HEMK2: variants seen among roughly 807,000 people sequenced by gnomAD.
HEMK2 encodes the protein HemK methyltransferase 2, ETF1 glutamine and histone H4 lysine.
At chr21:28,636,104 C>T in the HEMK2 span, among the ~76,000 whole-genome samples, 5 of 152,192 alleles carry the variant, frequency 3.3e-5, no homozygotes, top group East Asian at 1.9e-4. Flanking sequence ...TTCCTTCATT[C>T]GGGACCTTTA....
the HEMK2 span, among the ~76,000 whole-genome samples, chr21:28,648,438 G>A: frequency 6.6e-6 from 1 of 152,150 alleles, no homozygotes; most frequent in Non-Finnish European, 1.5e-5. Context: ...TCACTAGTCT[G>A]TAAGATCCCT....
chr21:28,618,837 A>G, the HEMK2 span, among the ~76,000 whole-genome samples: 1 of 152,212 alleles, frequency 6.6e-6, no homozygotes, highest in Admixed American at 6.5e-5. Context: ...ATTCAAGTTT[A>G]TATGTAATAA....
the HEMK2 span, among the ~76,000 whole-genome samples, chr21:28,667,988 C>T: frequency 2.0e-5 from 3 of 152,114 alleles, no homozygotes; most frequent in Non-Finnish European, 2.9e-5. Flanking sequence ...AGAAAAAACT[C>T]GTACTCTGTC....
chr21:28,804,313 C>CCATTACTT, the HEMK2 span, among the ~76,000 whole-genome samples: 2 of 152,120 alleles, frequency 1.3e-5, no homozygotes, highest in Admixed American at 1.3e-4. Context: ...TACCATTGCT[C>CCATTACTT]CATTACTTCA....
At chr21:28,790,045 T>C in the HEMK2 span, among the ~76,000 whole-genome samples, 38 of 152,364 alleles carry the variant, frequency 2.5e-4, no homozygotes, top group African/African-American at 8.9e-4. Flanking sequence ...TTTAACGTAG[T>C]GTTTCCATTT....
At chr21:28,636,285 G>A in the HEMK2 span, among the ~76,000 whole-genome samples, 1 of 152,044 alleles carries the variant, frequency 6.6e-6, no homozygotes, top group African/African-American at 2.4e-5. Context: ...TCTAGCCACA[G>A]GTTACATGCA....
chr21:28,750,282 G>GT, the HEMK2 span, among the ~76,000 whole-genome samples: 1 of 152,162 alleles, frequency 6.6e-6, no homozygotes. Flanking sequence ...ATTTTTAGCT[G>GT]TAAGTAATCT....
At chr21:28,744,515 A>G in the HEMK2 span, among the ~76,000 whole-genome samples, 2 of 152,228 alleles carry the variant, frequency 1.3e-5, no homozygotes, top group Non-Finnish European at 2.9e-5. Flanking sequence ...CTAGAAAGGC[A>G]TAAGAGGCAA....
chr21:28,855,769 G>A, the HEMK2 span, among the ~76,000 whole-genome samples: 1 of 152,114 alleles, frequency 6.6e-6, no homozygotes, highest in Non-Finnish European at 1.5e-5. Flanking sequence ...ATGACTTTTG[G>A]GTAAGCAATG....
chr21:28,668,569 C>A, the HEMK2 span, among the ~76,000 whole-genome samples: 1 of 152,182 alleles, frequency 6.6e-6, no homozygotes, highest in East Asian at 1.9e-4. Context: ...GCTCACATTT[C>A]ATTGACCAAA....
At chr21:28,719,144 C>T in the HEMK2 span, among the ~76,000 whole-genome samples, 1 of 152,164 alleles carries the variant, frequency 6.6e-6, no homozygotes, top group Non-Finnish European at 1.5e-5. Flanking sequence ...ACTTCATCTC[C>T]AGCCCCTGTG....
the HEMK2 span, chr21:28,874,836 A>G: frequency 6.6e-6 from 1 of 152,232 alleles, no homozygotes; most frequent in Admixed American, 6.5e-5. Context: ...GCCACGGCCT[A>G]TGAATTGGCA....
the HEMK2 span, among the ~76,000 whole-genome samples, chr21:28,871,448 C>G: frequency 2.6e-5 from 4 of 152,158 alleles, no homozygotes; most frequent in Non-Finnish European, 4.4e-5. Flanking sequence ...GCAAGTCTGC[C>G]CCCATGATCC....
At chr21:28,684,881 A>G in the HEMK2 span, among the ~76,000 whole-genome samples, 1 of 152,232 alleles carries the variant, frequency 6.6e-6, no homozygotes, top group East Asian at 1.9e-4. Context: ...AGTGGCCACC[A>G]AAAAGATTTA....
At chr21:28,777,372 T>C in the HEMK2 span, among the ~76,000 whole-genome samples, 2 of 152,342 alleles carry the variant, frequency 1.3e-5, no homozygotes, top group Admixed American at 6.5e-5. Context: ...TGTATCTCAA[T>C]TGCTATTAGC....
the HEMK2 span, among the ~76,000 whole-genome samples, chr21:28,881,948 A>T: frequency 1.3e-5 from 2 of 152,154 alleles, no homozygotes; most frequent in Non-Finnish European, 2.9e-5. Flanking sequence ...TAATTTTTTA[A>T]ATTTAAGCCA....
the HEMK2 span, among the ~76,000 whole-genome samples, chr21:28,810,243 G>C: frequency 6.6e-6 from 1 of 152,052 alleles, no homozygotes; most frequent in South Asian, 2.1e-4. Context: ...TTTCCATTTG[G>C]TCACTCAGCT....
chr21:28,765,317 G>A, the HEMK2 span, among the ~76,000 whole-genome samples: 1 of 152,074 alleles, frequency 6.6e-6, no homozygotes, highest in Admixed American at 6.6e-5. Flanking sequence ...TGAAGCCAAG[G>A]ACTAGAAGAG....
At chr21:28,613,619 C>CTTTTTTTTTTTTTTTTTT in the HEMK2 span, among the ~76,000 whole-genome samples, 14 of 82,704 alleles carry the variant, frequency 1.7e-4, 1 homozygote, top group African/African-American at 5.2e-4. Context: ...TCTGCATATT[C>CTTTTTTTTTTTTTTTTTT]TTTTTTTTTT....
Sources: gnomAD v4.1 joint callset for allele counts (sites outside exome capture counted in the v4.1 genomes callset) on GRCh38, gnomAD v4.1.1 for gene constraint, MANE v1.5 for transcripts, NCBI Gene and HGNC (gene_info 2026-07-23, HGNC 2026-07-21) for gene names.